The following WBP1L variants were observed in gnomAD, a reference collection of about 807,000 sequenced individuals.
WBP1L encodes the protein WW domain binding protein 1 like, also known as WW domain binding protein 1-like.
A neutral mutation model predicts 33.7 loss-of-function variants in WBP1L; 17 were observed. The ratio of observed to expected loss-of-function variants is 0.50; its 90% CI spans 0.34 to 0.76. The LOEUF (loss-of-function observed/expected upper bound fraction) is 0.76. Ranked by LOEUF, WBP1L falls within the 30% of genes least tolerant of loss-of-function variation. The pLI is 0.01. For synonymous variants in WBP1L, 173 were observed against 190.8 expected (o/e 0.91, Z 0.77); for missense variants, 389 against 469.4 (o/e 0.83, Z 1.58).
At chr10:102,749,144 C>T (rs561130678) in intron 1 of WBP1L, among the ~76,000 whole-genome samples, 24 of 152,306 alleles carry the variant, frequency 1.6e-4, no homozygotes, top group Non-Finnish European at 2.1e-4. Flanking sequence ...CTCTCTGTGC[C>T]GTCCAATTCA....
chr10:102,772,406 AT>A (rs1000356206), intron 1 of WBP1L, among the ~76,000 whole-genome samples: 1 of 150,714 alleles, frequency 6.6e-6, no homozygotes, highest in African/African-American at 2.4e-5. Context: ...GACTACAGGT[AT>A]GTGTCACCAT....
intron 1 of WBP1L, among the ~76,000 whole-genome samples, chr10:102,763,363 C>T (rs1043226933): frequency 2.0e-5 from 3 of 152,070 alleles, no homozygotes; most frequent in Non-Finnish European, 2.9e-5. Context: ...GAGGCTTAAC[C>T]GTAAGCTTAT....
chr10:102,805,682 C>A (rs193189642), intron 2 of WBP1L, among the ~76,000 whole-genome samples: 6 of 151,278 alleles, frequency 4.0e-5, no homozygotes, highest in African/African-American at 1.5e-4. Flanking sequence ...TGCTTGAGAC[C>A]AGAGTTTGTT....
chr10:102,809,848 G>A (rs1843802866), intron 2 of WBP1L, 45 bp from the exon 3 acceptor site: 5 of 1,574,082 alleles, frequency 3.2e-6, no homozygotes, highest in Non-Finnish European at 4.3e-6. Flanking sequence ...CCCTCTGGCT[G>A]GTACTCACTG....
At chr10:102,783,378 C>T (rs747449592) in intron 1 of WBP1L, among the ~76,000 whole-genome samples, 3 of 152,250 alleles carry the variant, frequency 2.0e-5, no homozygotes, top group South Asian at 2.1e-4. Flanking sequence ...CTAAGAGGCA[C>T]GAGGGATGAC....
chr10:102,769,628 A>C (rs1391961211), intron 1 of WBP1L, among the ~76,000 whole-genome samples: 1 of 152,200 alleles, frequency 6.6e-6, no homozygotes, highest in African/African-American at 2.4e-5. Context: ...ATTAATATCA[A>C]AATCCTATCT....
chr10:102,750,945 T>C (rs150516699), intron 1 of WBP1L, among the ~76,000 whole-genome samples: 51 of 152,316 alleles, frequency 3.3e-4, no homozygotes, highest in African/African-American at 1.2e-3. Flanking sequence ...AGACATTTCA[T>C]ATAAAGTGAA....
At chr10:102,762,127 A>G (rs1843049298) in intron 1 of WBP1L, among the ~76,000 whole-genome samples, 1 of 152,182 alleles carries the variant, frequency 6.6e-6, no homozygotes, top group Non-Finnish European at 1.5e-5. Flanking sequence ...TGCTAAGATT[A>G]CAGACAGGAG....
At chr10:102,791,227 C>G (rs1843493147) in intron 1 of WBP1L, among the ~76,000 whole-genome samples, 1 of 152,122 alleles carries the variant, frequency 6.6e-6, no homozygotes, top group East Asian at 1.9e-4. Flanking sequence ...TTCTAGTTCC[C>G]GCTGTCGTTT....
At chr10:102,772,558 CT>C (rs34624231) in intron 1 of WBP1L, among the ~76,000 whole-genome samples, 154 of 64,724 alleles carry the variant, frequency 2.4e-3, no homozygotes, top group African/African-American at 6.8e-3. Flanking sequence ...ATGCCCGGCC[CT>C]TTTTTTTTTT....
intron 2 of WBP1L, among the ~76,000 whole-genome samples, chr10:102,808,655 A>T (rs972684300): frequency 3.3e-5 from 5 of 152,236 alleles, no homozygotes; most frequent in Non-Finnish European, 5.9e-5. Flanking sequence ...AGCAGAGGAA[A>T]TCATTTACAC....
chr10:102,796,575 C>T (rs900504122), intron 1 of WBP1L, among the ~76,000 whole-genome samples: 4 of 152,180 alleles, frequency 2.6e-5, no homozygotes, highest in African/African-American at 4.8e-5. Flanking sequence ...AGCTGTCCGC[C>T]GGATGTGCAC....
At chr10:102,762,184 G>A (rs77096179) in intron 1 of WBP1L, among the ~76,000 whole-genome samples, 2 of 152,172 alleles carry the variant, frequency 1.3e-5, no homozygotes, top group Non-Finnish European at 2.9e-5. Context: ...TCCAGCCTGG[G>A]TGACCCTGTC....
In WBP1L at chr10:102,790,758, G is replaced by A. The variant is rs147277613; in HGVS notation, c.91-7235G>A. ...GAATTCCTGACCTCGTCATCCGCCCGCCTCAGCCTCCCAAAGTCCTGGAAT... is the reference window on the plus strand; with the variant it reads ...GAATTCCTGACCTCGTCATCCGCCCACCTCAGCCTCCCAAAGTCCTGGAAT... On this transcript the variant is annotated intron_variant, in intron 1 of 3. Transcript: ENST00000448841. Among the ~76,000 whole-genome samples the A allele has an allele frequency of 8.0e-3, 1,217 of 152,078 alleles. 11 individuals are homozygous for A. The highest frequency in any genetic ancestry group is 0.028 in the African/African-American group (1,155 of 41,486).
At chr10:102,812,124 A>G (rs1372592018) in intron 3 of WBP1L, among the ~76,000 whole-genome samples, 2 of 152,128 alleles carry the variant, frequency 1.3e-5, no homozygotes, top group Non-Finnish European at 2.9e-5. Flanking sequence ...GACCCTACAT[A>G]GTGCATTTGG....
At chr10:102,751,955 G>T (rs1474613293) in intron 1 of WBP1L, among the ~76,000 whole-genome samples, 1 of 152,210 alleles carries the variant, frequency 6.6e-6, no homozygotes, top group Non-Finnish European at 1.5e-5. Flanking sequence ...GCTGTTGGCA[G>T]TCCTCAGAGT....
chr10:102,744,002 G>A lies in WBP1L; in HGVS notation c.-52G>A, dbSNP rs896902289. On this transcript the variant is annotated 5_prime_UTR_variant, in exon 1 of 4. Coordinates refer to ENST00000448841, the MANE Select transcript of WBP1L (RefSeq NM_001083913.2). ...GAAGAGGGTAGAGGAGGAGAGGGAG[G>A]AGGAGGAGGGAGGTGGCGGCGCCGT... is the stretch of plus-strand genomic sequence containing the variant. 9.1e-6 allele frequency: 12 copies of A among 1,316,512 alleles called. No individual in the cohort carries two copies. The highest frequency in any genetic ancestry group is 2.5e-5 in the East Asian group (1 of 39,358). The allele number at this position is 1,316,512 out of a possible 1,614,324, so 81.6% of individuals were successfully genotyped here.
At chr10:102,768,430 C>G (rs7083632) in intron 1 of WBP1L, among the ~76,000 whole-genome samples, 34 of 16,138 alleles carry the variant, frequency 2.1e-3, no homozygotes, top group Admixed American at 3.3e-3. Context: ...CCAGGCTGGA[C>G]TGCGGACTGC....
chr10:102,755,824 T>A (rs1554872844), intron 1 of WBP1L, among the ~76,000 whole-genome samples: 1 of 151,300 alleles, frequency 6.6e-6, no homozygotes, highest in Non-Finnish European at 1.5e-5. Flanking sequence ...GGCAGGTGGA[T>A]CACGAGGTCA....
Sources: gnomAD v4.1 joint callset for allele counts (sites outside exome capture counted in the v4.1 genomes callset) on GRCh38, gnomAD v4.1.1 for gene constraint, MANE v1.5 for transcripts, NCBI Gene and HGNC (gene_info 2026-07-23, HGNC 2026-07-21) for gene names.